The following ZHX2 variants were observed in gnomAD, a reference collection of about 807,000 sequenced individuals.
ZHX2 encodes zinc fingers and homeoboxes protein 2.
In ZHX2, 6 loss-of-function variants were observed where a neutral mutation model predicts 21.9. That is an observed-to-expected ratio of 0.27 (90% CI 0.15 to 0.54). The LOEUF is 0.54. Ranked by LOEUF, ZHX2 falls within the 20% of genes least tolerant of loss-of-function variation. The pLI is 0.95. For missense variants in ZHX2, 908 were observed against 1,090.7 expected, an observed-to-expected ratio of 0.83 and a Z score of 2.36; for synonymous variants, 434 against 437.1, an observed-to-expected ratio of 0.99 and a Z score of 0.09.
At chr8:122,935,528 G>A (rs912495578) in intron 2 of ZHX2, among the ~76,000 whole-genome samples, 1 of 142,956 alleles carries the variant, frequency 7.0e-6, no homozygotes, top group African/African-American at 2.5e-5. Flanking sequence ...TTATACCATT[G>A]AGAGTAACTT....
chr8:122,930,114 G>C (rs1203797656), intron 2 of ZHX2, among the ~76,000 whole-genome samples: 1 of 152,166 alleles, frequency 6.6e-6, no homozygotes, highest in Non-Finnish European at 1.5e-5. Flanking sequence ...CAGCCTCAGG[G>C]GAAAATAGAG....
At chr8:122,958,232 G>T (rs533034787) in intron 3 of ZHX2, among the ~76,000 whole-genome samples, 7 of 152,152 alleles carry the variant, frequency 4.6e-5, no homozygotes, top group Non-Finnish European at 7.3e-5. Context: ...GGCTCACCTC[G>T]GCCCTGAGGT....
At chr8:122,946,957 C>G (rs1812990197) in intron 2 of ZHX2, among the ~76,000 whole-genome samples, 1 of 151,918 alleles carries the variant, frequency 6.6e-6, no homozygotes, top group South Asian at 2.1e-4. Flanking sequence ...GATAGCCTCC[C>G]TACAGTTAAT....
At chr8:122,964,648 A>C (rs1242318003) in intron 3 of ZHX2, among the ~76,000 whole-genome samples, 2 of 152,114 alleles carry the variant, frequency 1.3e-5, no homozygotes, top group Non-Finnish European at 2.9e-5. Context: ...ATTAGGTGAT[A>C]CTGGCTTCGT....
intron 2 of ZHX2, among the ~76,000 whole-genome samples, chr8:122,906,846 T>C (rs1414894451): frequency 6.6e-6 from 1 of 151,894 alleles, no homozygotes; most frequent in African/African-American, 2.4e-5. Context: ...AATTTTTGTA[T>C]TTTTAGTAGA....
chr8:122,918,954 A>T (rs548059818), intron 2 of ZHX2, among the ~76,000 whole-genome samples: 1,855 of 152,090 alleles, frequency 0.012, 35 homozygotes, highest in African/African-American at 0.042. Context: ...CTCAAAAAAA[A>T]AAAAAAAAAC....
intron 3 of ZHX2, among the ~76,000 whole-genome samples, chr8:122,955,069 CGG>C (rs35647179): frequency 0.045 from 938 of 20,664 alleles, 33 homozygotes; most frequent in African/African-American, 0.12. Context: ...TCACATAAGC[CGG>C]GGGGGGGGGG....
At chr8:122,819,088 G>A (rs151254093) in intron 1 of ZHX2, among the ~76,000 whole-genome samples, 14 of 152,328 alleles carry the variant, frequency 9.2e-5, no homozygotes, top group African/African-American at 3.1e-4. Context: ...CATCTGCAAG[G>A]AGCTGAAGGC....
chr8:122,973,198 G>A (rs1394890391), intron 3 of ZHX2, 44 bp from the exon 4 acceptor site: 1 of 152,284 alleles, frequency 6.6e-6, no homozygotes, highest in Non-Finnish European at 1.5e-5. Context: ...GGGAACAATG[G>A]TCATTTGCCT....
chr8:122,953,355 C>A lies in ZHX2; in HGVS notation c.1845C>A (p.Asp615Glu), dbSNP rs747355311. ...CCAATGGTGCTCTGTCTCGACTCGA[C>A]CAGCTCTCCGGTGCCCAGTTAACAA... ...GAPNGALSRL[D>E]QLSGAQLTSS... Residue 615 changes from aspartate to glutamate, a missense_variant, in exon 3 of 4, where the codon GAC (aspartate) becomes GAA (glutamate). Coordinates refer to ENST00000314393, the MANE Select transcript of ZHX2 (RefSeq NM_014943.5). This position sits in a 1 kb window ranked among gnomAD's most constrained non-coding sequence, Gnocchi z 4.6. 3 of 1,614,000 alleles carry A rather than the reference C, an allele frequency of 1.9e-6. No individual in the cohort carries two copies. The highest frequency in any genetic ancestry group is 2.7e-5 in the African/African-American group (2 of 74,920).
intron 1 of ZHX2, among the ~76,000 whole-genome samples, chr8:122,852,863 G>T (rs1360510084): frequency 6.6e-6 from 1 of 151,918 alleles, no homozygotes; most frequent in Admixed American, 6.6e-5. Flanking sequence ...AAAAATAAGA[G>T]CCCCGGGTGC....
At chr8:122,949,477 G>T (rs1361363757) in intron 2 of ZHX2, among the ~76,000 whole-genome samples, 32 of 152,124 alleles carry the variant, frequency 2.1e-4, no homozygotes, top group Admixed American at 2.0e-3. Context: ...ATTCATAAAA[G>T]AATATAAATA....
At chr8:122,811,507 G>A (rs1817928020) in intron 1 of ZHX2, among the ~76,000 whole-genome samples, 1 of 152,252 alleles carries the variant, frequency 6.6e-6, no homozygotes, top group Non-Finnish European at 1.5e-5. Flanking sequence ...CGCCATGGAA[G>A]AACCAGACAA....
rs770996604 is a variant in ZHX2, at chr8:122,953,051, C to A, written c.1541C>A (p.Ala514Glu). 1.7e-5 allele frequency: 28 copies of A among 1,614,070 alleles called. No homozygotes were observed. Among genetic ancestry groups the A allele is most frequent in the Non-Finnish European group, 2.4e-5 (28 of 1,180,030 alleles). The change falls in exon 3 of 4, where the codon GCG becomes GAG. Residue 514 changes from alanine to glutamate, a missense_variant. Ala to Glu is a moderately radical substitution (Grantham distance 107). Transcript: ENST00000314393. This position sits in a 1 kb window ranked among gnomAD's most constrained non-coding sequence, Gnocchi z 4.6. ...ESLAKDQLAI[A>E]ASRHGRTYHA... ...CTTGCCAAAGACCAGTTGGCCATCG[C>A]GGCCTCCCGACACGGTCGCACGTAT...
At chr8:122,856,541 T>C (rs1431036124) in intron 1 of ZHX2, among the ~76,000 whole-genome samples, 2 of 152,146 alleles carry the variant, frequency 1.3e-5, no homozygotes, top group African/African-American at 4.8e-5. Context: ...CTCACTTTCA[T>C]AGACTCCCAA....
intron 2 of ZHX2, among the ~76,000 whole-genome samples, chr8:122,868,607 A>G (rs950636061): frequency 2.6e-5 from 4 of 151,600 alleles, no homozygotes; most frequent in African/African-American, 9.7e-5. Context: ...AGGCTGAGGC[A>G]GGAGAATGGC....
intron 2 of ZHX2, among the ~76,000 whole-genome samples, chr8:122,870,255 TG>T (rs1157304422): frequency 2.0e-5 from 3 of 152,112 alleles, no homozygotes; most frequent in Non-Finnish European, 4.4e-5. Flanking sequence ...GTGCTCAGGA[TG>T]GAGCTGTTTG....
In ZHX2 at chr8:122,828,102, A is replaced by T. The variant is rs1818299976; in HGVS notation, c.-282-35375A>T. Among the ~76,000 whole-genome samples the T allele has an allele frequency of 6.6e-6, 1 of 152,134 alleles. No individual in the cohort carries two copies. Among genetic ancestry groups the T allele is most frequent in the South Asian group, 2.1e-4 (1 of 4,816 alleles). Reference sequence around the variant, plus strand: ...GCACTCCAGCCTGGGCGACAGTGAGACCCTGTCTCTAAATAAATAAATAAA... The same window carrying T: ...GCACTCCAGCCTGGGCGACAGTGAGTCCCTGTCTCTAAATAAATAAATAAA... On this transcript the variant is annotated intron_variant, in intron 1 of 3. Coordinates refer to ENST00000314393, the MANE Select transcript of ZHX2 (RefSeq NM_014943.5). The surrounding 1 kb of genome is among the most constrained non-coding windows in gnomAD (Gnocchi z 5.2).
chr8:122,950,063 A>G (rs1159306679), intron 2 of ZHX2, among the ~76,000 whole-genome samples: 1 of 152,190 alleles, frequency 6.6e-6, no homozygotes, highest in African/African-American at 2.4e-5. Flanking sequence ...GCCCTCTCAT[A>G]CACTACCAAA....
Sources: gnomAD v4.1 joint callset for allele counts (sites outside exome capture counted in the v4.1 genomes callset) on GRCh38, gnomAD v4.1.1 for gene constraint, Gnocchi (gnomAD v3.1) non-coding constraint, MANE v1.5 for transcripts, NCBI Gene and HGNC (gene_info 2026-07-23, HGNC 2026-07-21) for gene names.